Variants in TMEM50B observed in about 807,000 individuals in gnomAD.
TMEM50B encodes the protein transmembrane protein 50B, also known as HCV p7-trans-regulated protein 3.
In TMEM50B, 14 loss-of-function variants were observed where a neutral mutation model predicts 23.4. The ratio of observed to expected loss-of-function variants is 0.60; its 90% CI spans 0.39 to 0.93. The LOEUF (loss-of-function observed/expected upper bound fraction) is 0.93, where lower values mean the gene tolerates loss of function less well. TMEM50B is among the 40% of genes least tolerant of loss of function. The pLI, the probability that TMEM50B is intolerant of heterozygous loss-of-function variation, is 0.00. For synonymous variants in TMEM50B, 64 were observed against 62.3 expected (o/e 1.03, Z -0.13); for missense variants, 159 against 193.0 (o/e 0.82, Z 1.04).
intron 8 of TMEM50B, chr21:33,436,733 A>AAAT (rs2083956559): frequency 3.9e-6 from 4 of 1,032,934 alleles, no homozygotes; most frequent in Non-Finnish European, 5.7e-6. Context: ...AAAAAAATAA[A>AAAT]AATAAAAATA....
intron 5 of TMEM50B, among the ~76,000 whole-genome samples, chr21:33,460,069 G>C (rs1404922236): frequency 6.6e-6 from 1 of 152,162 alleles, no homozygotes; most frequent in African/African-American, 2.4e-5. Flanking sequence ...GTATATAAGG[G>C]AGTGTACACC....
chr21:33,435,992 C>T (rs2083944076), intron 8 of TMEM50B, among the ~76,000 whole-genome samples: 1 of 150,856 alleles, frequency 6.6e-6, no homozygotes, highest in African/African-American at 2.4e-5. Flanking sequence ...ACCCAGGAGG[C>T]GGAAGTTGCA....
At chr21:33,457,226 C>T (rs1044572174) in intron 5 of TMEM50B, among the ~76,000 whole-genome samples, 3 of 151,566 alleles carry the variant, frequency 2.0e-5, no homozygotes, top group African/African-American at 7.3e-5. Context: ...TGCACTCTAG[C>T]CTGGACGACA....
intron 4 of TMEM50B, among the ~76,000 whole-genome samples, chr21:33,464,804 C>CAAAAAAAAAAAAAAAAAAAAAAAAA (rs59855166): frequency 1.0e-3 from 103 of 100,882 alleles, no homozygotes; most frequent in East Asian, 2.4e-3. Context: ...AACTCCGTCT[C>CAAAAAAAAAAAAAAAAAAAAAAAAA]AAAAAAAAAA....
chr21:33,443,292 C>CA (rs1568971050), intron 7 of TMEM50B, among the ~76,000 whole-genome samples: 1 of 152,208 alleles, frequency 6.6e-6, no homozygotes, highest in Non-Finnish European at 1.5e-5. Flanking sequence ...ACCCTTAATA[C>CA]AACTGTGAGT....
intron 4 of TMEM50B, among the ~76,000 whole-genome samples, chr21:33,461,876 T>C (rs569345841): frequency 1.3e-5 from 2 of 151,772 alleles, no homozygotes; most frequent in South Asian, 4.2e-4. Context: ...AACTTTCTAA[T>C]AGAATTAAAC....
intron 5 of TMEM50B, among the ~76,000 whole-genome samples, chr21:33,459,605 T>C (rs2084199850): frequency 6.7e-6 from 1 of 148,344 alleles, no homozygotes; most frequent in Non-Finnish European, 1.5e-5. Context: ...GAGGCGGAGG[T>C]TGCAGTGAGC....
At chr21:33,464,804 C>CAAA (rs59855166) in intron 4 of TMEM50B, among the ~76,000 whole-genome samples, 50 of 100,890 alleles carry the variant, frequency 5.0e-4, no homozygotes, top group Admixed American at 1.8e-3. Context: ...AACTCCGTCT[C>CAAA]AAAAAAAAAA....
At chr21:33,463,708 A>G (rs1171857086) in intron 4 of TMEM50B, among the ~76,000 whole-genome samples, 4 of 152,202 alleles carry the variant, frequency 2.6e-5, no homozygotes, top group Non-Finnish European at 5.9e-5. Flanking sequence ...GCTTGAGGCC[A>G]GGAGATCAAG....
In TMEM50B at chr21:33,456,497, G is replaced by T. The variant is rs141884620; in HGVS notation, c.374-713C>A. Reference sequence around the variant, plus strand: ...ATAGGAAAAGAAAAGAAACAAAATGGAAACTACTTAAATTTTTGTGGATTA... The same window carrying T: ...ATAGGAAAAGAAAAGAAACAAAATGTAAACTACTTAAATTTTTGTGGATTA... On this transcript the variant is annotated intron_variant, in intron 5 of 6. Coordinates refer to ENST00000542230, the MANE Select transcript of TMEM50B (RefSeq NM_006134.7). 2.0e-5 allele frequency among the ~76,000 whole-genome samples: 3 copies of T among 152,288 alleles called. No homozygotes were observed. The East Asian group carries it at 5.8e-4, about 29-fold the overall frequency.
At chr21:33,473,252 A>G (rs975522497) in intron 1 of TMEM50B, among the ~76,000 whole-genome samples, 2 of 152,084 alleles carry the variant, frequency 1.3e-5, no homozygotes, top group Non-Finnish European at 2.9e-5. Flanking sequence ...CAGGAGTTCA[A>G]GACCAGCCTG....
At chr21:33,472,158 G>C (rs1043801988) in intron 1 of TMEM50B, among the ~76,000 whole-genome samples, 1 of 148,460 alleles carries the variant, frequency 6.7e-6, no homozygotes, top group South Asian at 2.2e-4. Flanking sequence ...CCAAGGCGGG[G>C]GGATCACGAG....
chr21:33,465,115 A>G lies in TMEM50B; in HGVS notation c.280+227T>C, dbSNP rs2084253757. On this transcript the variant is annotated intron_variant, in intron 4 of 6. Transcript: ENST00000542230. ...GTCCAAGATCCATTTGAATAGCAAC[A>G]TTTTTTATCTATATCATGGGCAGTG... 1.7e-5 allele frequency: 7 copies of G among 419,568 alleles called. No individual in the cohort carries two copies. The Admixed American group carries it at 3.0e-4, about 18-fold the overall frequency. 26.0% of individuals were successfully genotyped at this position (419,568 alleles called of 1,614,324 possible). A position where few individuals can be genotyped will look rare whatever the true frequency, so the allele number is the denominator to read the frequency against.
At chr21:33,478,833 T>G (rs1245349475) in intron 1 of TMEM50B, 6 of 471,032 alleles carry the variant, frequency 1.3e-5, no homozygotes, top group African/African-American at 8.0e-5. Flanking sequence ...TGAAAAAGTG[T>G]GACCGGCCTG....
rs17885292 is a variant in TMEM50B at position 33,436,539 on chromosome 21, A to T, written c.*2120+2675T>A. Among the ~76,000 whole-genome samples the T allele has an allele frequency of 4.1e-3, 630 of 152,224 alleles. 7 individuals are homozygous for T. Among genetic ancestry groups the T allele is most frequent in the African/African-American group, 0.015 (606 of 41,536 alleles). On this transcript the variant is annotated intron_variant and NMD_transcript_variant, in intron 8 of 8. Transcript: ENST00000420455. The stretch of plus-strand genomic sequence containing the variant: ...GGAGTTTGAGACCAGCGTGGCCAAC[A>T]TAGTGAAACCCTGTCTCTACTAAAA...
rs1382310502 is a variant in TMEM50B, at chr21:33,471,069, A to G, written c.-41-2143T>C. On this transcript the variant is annotated intron_variant, in intron 1 of 6. Transcript: ENST00000542230. The stretch of plus-strand genomic sequence containing the variant: ...AAGATGGGAGTTCAGGACCACCATA[A>G]CAGCTGGAAATTGAAGGGGGACATC... Among the ~76,000 whole-genome samples the G allele has an allele frequency of 2.6e-5, 4 of 152,122 alleles. No homozygotes were observed. In the East Asian group the frequency reaches 5.8e-4, roughly 22 times the overall value.
At position 33,477,817 on chromosome 21, in the gene TMEM50B, T is replaced by TTATA. The variant is rs895502905; in HGVS notation, c.-42+2017_-42+2020dup. Among the ~76,000 whole-genome samples the TTATA allele has an allele frequency of 3.4e-5, 5 of 147,812 alleles. No homozygotes were observed. The East Asian group carries it at 8.0e-4, about 24-fold the overall frequency. ...CAAGAGCAAAACTCGGCCTCAAAAA[T>TTATA]TATATATATATATACATAAGTTAAA... On this transcript the variant is annotated intron_variant, in intron 1 of 6. Coordinates refer to ENST00000542230, the MANE Select transcript of TMEM50B (RefSeq NM_006134.7).
chr21:33,434,886 T>C (rs1475902894), intron 8 of TMEM50B, among the ~76,000 whole-genome samples: 2 of 152,184 alleles, frequency 1.3e-5, no homozygotes, highest in East Asian at 3.8e-4. Flanking sequence ...ATGAATATAC[T>C]ATGAGTCATT....
chr21:33,479,058 G>A (rs936611799), intron 1 of TMEM50B: 10 of 311,940 alleles, frequency 3.2e-5, no homozygotes, highest in Non-Finnish European at 4.4e-5. Flanking sequence ...GCGGGGAGCA[G>A]CCCAGCCTAG....
Sources: gnomAD v4.1 joint callset for allele counts (sites outside exome capture counted in the v4.1 genomes callset) on GRCh38, gnomAD v4.1.1 for gene constraint, MANE v1.5 for transcripts, NCBI Gene and HGNC (gene_info 2026-07-23, HGNC 2026-07-21) for gene names.